The following ANKRD6 variants were observed in gnomAD, a reference collection of about 807,000 sequenced individuals.
The protein encoded by ANKRD6 is ankyrin repeat domain-containing protein 6.
In ANKRD6, 56 loss-of-function variants were observed where a neutral mutation model predicts 82.3. The observed-to-expected ratio is 0.68, with a 90% CI of 0.55 to 0.85. ANKRD6 has a LOEUF of 0.85. Ranked by LOEUF, ANKRD6 falls within the 40% of genes least tolerant of loss-of-function variation. The pLI, the probability that ANKRD6 is intolerant of heterozygous loss-of-function variation, is 0.00. For missense variants in ANKRD6, 852 were observed against 907.6 expected (o/e 0.94, Z 0.79); for synonymous variants, 347 against 352.1 (o/e 0.99, Z 0.16).
intron 7 of ANKRD6, among the ~76,000 whole-genome samples, chr6:89,615,323 T>C (rs1456230016): frequency 6.6e-6 from 1 of 152,070 alleles, no homozygotes; most frequent in Non-Finnish European, 1.5e-5. Flanking sequence ...GTCCAGGCAA[T>C]GGTGTTTTTA....
intron 1 of ANKRD6, among the ~76,000 whole-genome samples, chr6:89,537,879 C>CAAAAAAAAAA (rs55864526): frequency 2.7e-5 from 3 of 110,814 alleles, no homozygotes; most frequent in African/African-American, 1.1e-4. Context: ...GACAATGTCT[C>CAAAAAAAAAA]AAAAAAAAAA....
intron 1 of ANKRD6, among the ~76,000 whole-genome samples, chr6:89,444,904 G>A (rs573485569): frequency 1.4e-4 from 22 of 152,068 alleles, no homozygotes; most frequent in Non-Finnish European, 2.9e-4. Flanking sequence ...GGAGGCGGAG[G>A]TTACAGTGAG....
At chr6:89,627,794 C>T in intron 14 of ANKRD6, 98 bp downstream of exon 14, 1 of 951,428 alleles carries the variant, frequency 1.1e-6, no homozygotes, top group Non-Finnish European at 1.6e-6. Flanking sequence ...GGCTGAGACT[C>T]CCTAAGAGCT....
intron 5 of ANKRD6, among the ~76,000 whole-genome samples, chr6:89,607,261 T>C (rs935623512): frequency 2.0e-5 from 3 of 151,122 alleles, no homozygotes; most frequent in African/African-American, 7.3e-5. Context: ...AAATGAAATA[T>C]GGAAAAGAAA....
intron 1 of ANKRD6, among the ~76,000 whole-genome samples, chr6:89,494,352 CA>C (rs1236546282): frequency 3.3e-5 from 5 of 152,096 alleles, no homozygotes; most frequent in South Asian, 2.1e-4. Context: ...GATCAAGTAT[CA>C]GGGGTGGGAG....
At chr6:89,577,849 G>GAATGTTTTA (rs1212463016) in intron 2 of ANKRD6, among the ~76,000 whole-genome samples, 8 of 152,186 alleles carry the variant, frequency 5.3e-5, no homozygotes, top group Admixed American at 4.6e-4. Context: ...CTGGTCCTTG[G>GAATGTTTTA]AATGTTTTAC....
chr6:89,572,740 TCTGG>T (rs1345477300), intron 2 of ANKRD6, among the ~76,000 whole-genome samples: 1 of 152,216 alleles, frequency 6.6e-6, no homozygotes, highest in African/African-American at 2.4e-5. Flanking sequence ...CATGTGGGTA[TCTGG>T]CTTTCCCAGG....
chr6:89,618,940 T>C (rs1475967330), intron 9 of ANKRD6, among the ~76,000 whole-genome samples: 2 of 152,238 alleles, frequency 1.3e-5, no homozygotes, highest in Non-Finnish European at 2.9e-5. Context: ...TCCATCTTAT[T>C]CTGCAAGAAG....
chr6:89,586,747 C>T (rs1793776413), intron 2 of ANKRD6, among the ~76,000 whole-genome samples: 2 of 152,142 alleles, frequency 1.3e-5, no homozygotes, highest in South Asian at 4.1e-4. Context: ...GGGCCATTAA[C>T]TGATGTCTTA....
chr6:89,629,224 G>T lies in ANKRD6; in HGVS notation c.1598G>T (p.Cys533Phe). 1.2e-6 allele frequency: 2 copies of T among 1,613,692 alleles called. No homozygotes were observed. The highest frequency in any genetic ancestry group is 2.2e-5 in the East Asian group (1 of 44,866). ...ACRAKSTPST[C>F]ESSTGVDQLV... ...AGAGCTAAATCCACACCATCTACTT[G>T]TGAGTCCTCTACAGGTAACCCACAC... Residue 533 changes from cysteine to phenylalanine, a missense_variant, in exon 15 of 16, where the codon TGT (cysteine) becomes TTT (phenylalanine). Transcript: ENST00000339746.
At chr6:89,447,231 G>T (rs1015852217) in intron 1 of ANKRD6, among the ~76,000 whole-genome samples, 4 of 152,094 alleles carry the variant, frequency 2.6e-5, no homozygotes, top group African/African-American at 9.7e-5. Context: ...TTTCAGCTTA[G>T]GTGACAGAGT....
intron 1 of ANKRD6, among the ~76,000 whole-genome samples, chr6:89,524,572 T>C (rs1782240618): frequency 6.6e-6 from 1 of 152,210 alleles, no homozygotes; most frequent in Non-Finnish European, 1.5e-5. Context: ...TATTCAGCCA[T>C]AAAAAGGAAT....
chr6:89,463,877 A>C (rs1774512882), intron 1 of ANKRD6, among the ~76,000 whole-genome samples: 1 of 152,162 alleles, frequency 6.6e-6, no homozygotes. Context: ...AAAAAAAAGC[A>C]ATTGACCCTC....
At position 89,596,096 on chromosome 6, in the gene ANKRD6, G is replaced by A. The variant is rs41273321; in HGVS notation, c.219+82G>A. The A allele has an allele frequency of 1.2e-3, 1,457 of 1,206,820 alleles. 2 individuals carry two copies. Among genetic ancestry groups the A allele is most frequent in the Non-Finnish European group, 1.6e-3 (1,329 of 833,122 alleles). The allele number at this position is 1,206,820 out of a possible 1,614,324, so 74.8% of individuals were successfully genotyped here. Reference sequence around the variant, plus strand: ...GAAATCCACAAAGTGTAAGCTGTGAGATGGGAGGGTAGTAGATGCTCTCGC... The same window carrying A: ...GAAATCCACAAAGTGTAAGCTGTGAAATGGGAGGGTAGTAGATGCTCTCGC... On this transcript the variant is annotated intron_variant, in intron 3 of 15. Coordinates refer to ENST00000339746, the MANE Select transcript of ANKRD6 (RefSeq NM_001242809.2).
At chr6:89,552,315 A>G (rs575929154) in intron 1 of ANKRD6, among the ~76,000 whole-genome samples, 2 of 152,312 alleles carry the variant, frequency 1.3e-5, no homozygotes, top group South Asian at 2.1e-4. Flanking sequence ...GCACATGCAC[A>G]TGGCTAATCA....
In ANKRD6 at chr6:89,603,462, A is replaced by G. The variant is rs1368369409; in HGVS notation, c.318+335A>G. ...CACCTCATCCTCCCAAAATGCTGGC[A>G]TGAGCCATTGTGCCCAGCTGCCAAT... On this transcript the variant is annotated intron_variant, in intron 4 of 15. Transcript: ENST00000339746. Among the ~76,000 whole-genome samples the G allele has an allele frequency of 2.6e-5, 4 of 151,594 alleles. No individual in the cohort carries two copies. In the East Asian group the frequency reaches 5.8e-4, roughly 22 times the overall value.
intron 2 of ANKRD6, among the ~76,000 whole-genome samples, chr6:89,576,410 A>G (rs1396705773): frequency 6.6e-6 from 1 of 152,188 alleles, no homozygotes; most frequent in Non-Finnish European, 1.5e-5. Flanking sequence ...ACACATTTTC[A>G]GCTGGAACAG....
intron 2 of ANKRD6, among the ~76,000 whole-genome samples, chr6:89,570,063 A>ATGTGTGTGTGTGTGTGTG (rs10651458): frequency 2.3e-3 from 336 of 148,866 alleles, no homozygotes; most frequent in South Asian, 7.1e-3. Context: ...ATGTGTGTAT[A>ATGTGTGTGTGTGTGTGTG]TGTGTGTGTG....
rs146402526 is a variant in ANKRD6, at chr6:89,464,538, A to G, written c.-144+31163A>G. On this transcript the variant is annotated intron_variant, in intron 1 of 15. Transcript: ENST00000339746. ...AGGAACATCACATGATACACAGGAA[A>G]AGATTCTGTGTTCTTGCCTATTCAC... Among the ~76,000 whole-genome samples, 71 of 152,316 alleles carry G rather than the reference A, an allele frequency of 4.7e-4. 1 individual carries two copies. The East Asian group carries it at 0.014, about 29-fold the overall frequency.
Sources: gnomAD v4.1 joint callset for allele counts (sites outside exome capture counted in the v4.1 genomes callset) on GRCh38, gnomAD v4.1.1 for gene constraint, MANE v1.5 for transcripts, NCBI Gene and HGNC (gene_info 2026-07-23, HGNC 2026-07-21) for gene names.